PPM1J: variants seen among roughly 807,000 people sequenced by gnomAD.
PPM1J encodes the protein protein phosphatase 1J.
In PPM1J, 43 loss-of-function variants were observed where a neutral mutation model predicts 53.3. That is an observed-to-expected ratio of 0.81 (90% CI 0.63 to 1.04). PPM1J has a LOEUF of 1.04. Ranked by LOEUF, PPM1J falls within the 50% of genes least tolerant of loss-of-function variation. PPM1J has a pLI of 0.00. For missense variants in PPM1J, 635 were observed against 685.9 expected (o/e 0.93, Z 0.83); for synonymous variants, 267 against 286.4 (o/e 0.93, Z 0.68).
At chr1:112,711,903 G>A in intron 5 of PPM1J, 68 bp downstream of exon 5, 4 of 1,125,388 alleles carry the variant, frequency 3.6e-6, no homozygotes, top group Non-Finnish European at 5.2e-6. Flanking sequence ...GAGTTCTCAG[G>A]GCCATGGGGT....
chr1:112,713,163 T>G (rs187112392), intron 2 of PPM1J, 132 bp from the exon 3 acceptor site: 1 of 877,400 alleles, frequency 1.1e-6, no homozygotes, highest in African/African-American at 1.7e-5. Context: ...TGTTTGCTAC[T>G]GAAGGCAAAT....
In PPM1J at chr1:112,715,228, G is replaced by A. The variant is rs764068520; in HGVS notation, c.74C>T (p.Ser25Phe). 8 of 1,398,616 alleles carry A rather than the reference G, an allele frequency of 5.7e-6. No homozygotes were observed. Among genetic ancestry groups the A allele is most frequent in the East Asian group, 2.9e-5 (1 of 34,100 alleles). The allele number at this position is 1,398,616 out of a possible 1,614,324, so 86.6% of individuals were successfully genotyped here. ...SGGAPPPRPK[S>F]PDLPNAASAP... ...CGAGGCGGCGTTGGGCAGGTCCGGG[G>A]ATTTGGGGCGCGGAGGCGGAGCGCC... The change falls in exon 1 of 10, where the codon TCC (serine) becomes TTC (phenylalanine). Residue 25 changes from serine (S) to phenylalanine (F), a missense_variant. By Grantham distance (155) the Ser-to-Phe change is radical. Transcript: ENST00000309276. This position sits in a 1 kb window ranked among gnomAD's most constrained non-coding sequence, Gnocchi z 4.4.
intron 4 of PPM1J, 39 bp downstream of exon 4, chr1:112,712,306 T>C: frequency 6.9e-7 from 1 of 1,457,846 alleles, no homozygotes; most frequent in Admixed American, 1.9e-5. Flanking sequence ...TCAGAGAGTG[T>C]GGCCCTCTGT....
intron 8 of PPM1J, 24 bp from the exon 9 acceptor site, chr1:112,710,635 G>A (rs373201069): frequency 5.4e-5 from 87 of 1,613,866 alleles, no homozygotes; most frequent in Non-Finnish European, 6.9e-5. Flanking sequence ...AGGGCAGAGA[G>A]GATTGAGGTG....
intron 7 of PPM1J, 33 bp downstream of exon 7, chr1:112,710,975 C>G: frequency 6.2e-7 from 1 of 1,602,948 alleles, no homozygotes; most frequent in Non-Finnish European, 8.5e-7. Context: ...GATAGGTCCT[C>G]CTCCCCTCTC....
At chr1:112,712,181 C>T (rs1675079097) in intron 4 of PPM1J, 126 bp from the exon 5 acceptor site, 1 of 950,516 alleles carries the variant, frequency 1.1e-6, no homozygotes, top group Non-Finnish European at 1.6e-6. Flanking sequence ...CCATATCTGC[C>T]CCTGACCCCA....
At chr1:112,711,837 G>C (rs1675069875) in intron 5 of PPM1J, 134 bp downstream of exon 5, 3 of 642,508 alleles carry the variant, frequency 4.7e-6, no homozygotes, top group Non-Finnish European at 8.1e-6. Context: ...GCACTCCATA[G>C]TCCACACAGC....
intron 8 of PPM1J, 37 bp downstream of exon 8, chr1:112,710,707 C>T (rs1221192283): frequency 1.2e-6 from 2 of 1,612,882 alleles, no homozygotes; most frequent in African/African-American, 2.7e-5. Flanking sequence ...TGGCCTGAGA[C>T]TCCCAGAGAA....
chr1:112,712,689 C>A, intron 3 of PPM1J, 55 bp downstream of exon 3: 1 of 1,533,664 alleles, frequency 6.5e-7, no homozygotes, highest in Non-Finnish European at 8.9e-7. Context: ...GGCTTCCACA[C>A]AGAGTTGGCC....
Position 112,710,879 on chromosome 1 carries a change from T to G in PPM1J, c.1111-28A>C. Reference sequence around the variant, plus strand: ...GAAAGAAATGAGGAGGGAGTGCCACTGTAGTCCTCTGCTAGATTCTCTGAA... The same window carrying G: ...GAAAGAAATGAGGAGGGAGTGCCACGGTAGTCCTCTGCTAGATTCTCTGAA... On this transcript the variant is annotated intron_variant, in intron 7 of 9. Transcript: ENST00000309276. The G allele has an allele frequency of 1.9e-6, 3 of 1,603,076 alleles. No homozygotes were observed. The South Asian group carries it at 3.3e-5, about 18-fold the overall frequency.
chr1:112,710,743 C>T lies in PPM1J; in HGVS notation c.1218+1G>A. On this transcript the variant is annotated splice_donor_variant, in intron 8 of 9. Transcript: ENST00000309276. LOFTEE classifies it high-confidence loss of function. ...GGCAAGGTGTGGTTTAAGGGGCTCACCTCAGGGAAGCAGGAGAGAAAGGGC... is the reference window on the plus strand; with the variant it reads ...GGCAAGGTGTGGTTTAAGGGGCTCATCTCAGGGAAGCAGGAGAGAAAGGGC... The T allele has an allele frequency of 1.2e-6, 2 of 1,614,040 alleles. No homozygotes were observed. Among genetic ancestry groups the T allele is most frequent in the South Asian group, 2.2e-5 (2 of 91,078 alleles).
At position 112,715,178 on chromosome 1, in the gene PPM1J, C is replaced by T. The variant is rs779584328; in HGVS notation, c.124G>A (p.Ala42Thr). 45 of 1,492,834 alleles carry T rather than the reference C, an allele frequency of 3.0e-5. No individual in the cohort carries two copies. The highest frequency in any genetic ancestry group is 3.6e-5 in the Non-Finnish European group (41 of 1,135,650). 92.5% of individuals were successfully genotyped at this position (1,492,834 alleles called of 1,614,324 possible). Reference sequence around the variant, plus strand: ...GCCTTCGCGGGAGGGCTCCTGGGCGCTTCTGGAGCGGCGGCGGGCGGCGCC... The same window carrying T: ...GCCTTCGCGGGAGGGCTCCTGGGCGTTTCTGGAGCGGCGGCGGGCGGCGCC... ...ASAPPAAAPE[A>T]PRSPPAKAGS... Residue 42 changes from alanine to threonine, a missense_variant, in exon 1 of 10, where the codon GCG becomes ACG. Transcript: ENST00000309276. The surrounding 1 kb of genome is among the most constrained non-coding windows in gnomAD (Gnocchi z 4.4).
In PPM1J at chr1:112,710,726, G is replaced by A; in HGVS notation, c.1218+18C>T. ...CTGAGACTCCCAGAGAAGGCAAGGT[G>A]TGGTTTAAGGGGCTCACCTCAGGGA... On this transcript the variant is annotated intron_variant, in intron 8 of 9. Coordinates refer to ENST00000309276, the MANE Select transcript of PPM1J (RefSeq NM_005167.7). 1 of 1,613,206 alleles carries A rather than the reference G, an allele frequency of 6.2e-7. No homozygotes were observed. The highest frequency in any genetic ancestry group is 8.5e-7 in the Non-Finnish European group (1 of 1,179,144).
rs1675021881 is a variant in PPM1J at position 112,710,136 on chromosome 1, C to G, written c.*27G>C. 6.5e-7 allele frequency: 1 copy of G among 1,530,690 alleles called. No individual in the cohort carries two copies. Among genetic ancestry groups the G allele is most frequent in the Non-Finnish European group, 8.8e-7 (1 of 1,141,406 alleles). The allele number at this position is 1,530,690 out of a possible 1,614,324, so 94.8% of individuals were successfully genotyped here. A position where few individuals can be genotyped will look rare whatever the true frequency, so the allele number is the denominator to read the frequency against. On this transcript the variant is annotated 3_prime_UTR_variant, in exon 10 of 10. Transcript: ENST00000309276. ...TGTGAGAGGAGTAAGTATGGAGAGG[C>G]TAGTGGGAGGGATGGTGTTCAGCCC...
chr1:112,710,088 G>T lies in PPM1J; in HGVS notation c.*75C>A. The T allele has an allele frequency of 6.7e-7, 1 of 1,489,952 alleles. No individual in the cohort carries two copies. Among genetic ancestry groups the T allele is most frequent in the Non-Finnish European group, 8.9e-7 (1 of 1,122,540 alleles). The allele number at this position is 1,489,952 out of a possible 1,614,324, so 92.3% of individuals were successfully genotyped here. On this transcript the variant is annotated 3_prime_UTR_variant, in exon 10 of 10. Coordinates refer to ENST00000309276, the MANE Select transcript of PPM1J (RefSeq NM_005167.7). ...TAAGTTGCCACTAAAGAAGGGTCAG[G>T]GAGACAACTTCAGAATTTGGGCTGT...
chr1:112,712,219 ATGTC>A (rs1675079816), intron 4 of PPM1J, 122 bp downstream of exon 4: 11 of 947,026 alleles, frequency 1.2e-5, no homozygotes, highest in South Asian at 4.7e-5. Context: ...GCCACTCCTT[ATGTC>A]TGTCACCCCT....
Position 112,712,817 on chromosome 1 carries a change from C to G in PPM1J, c.656G>C (p.Cys219Ser). Residue 219 changes from cysteine to serine, a missense_variant, in exon 3 of 10, where the codon TGC becomes TCC. By Grantham distance (112) the Cys-to-Ser change is moderately radical. Coordinates refer to ENST00000309276, the MANE Select transcript of PPM1J (RefSeq NM_005167.7). Reference sequence around the variant, plus strand: ...GCTCACTTCCTTCTGTGAAGACCAGCAGGACTGAGGGCCAAGCAAGTGAGA... The same window carrying G: ...GCTCACTTCCTTCTGTGAAGACCAGGAGGACTGAGGGCCAAGCAAGTGAGA... ...DPSHLLGPQSCWSSQKEVSHE... is the reference protein window; with the variant it reads ...DPSHLLGPQSSWSSQKEVSHE... 6.2e-7 allele frequency: 1 copy of G among 1,613,442 alleles called. No individual in the cohort carries two copies. The highest frequency in any genetic ancestry group is 8.5e-7 in the Non-Finnish European group (1 of 1,179,990).
At chr1:112,712,492 G>A (rs1230872556) in intron 3 of PPM1J, 35 bp from the exon 4 acceptor site, 4 of 1,578,330 alleles carry the variant, frequency 2.5e-6, no homozygotes, top group Middle Eastern at 1.7e-4. Context: ...GTGGGTAGAA[G>A]GAGAGGTTCC....
intron 5 of PPM1J, 199 bp from the exon 6 acceptor site, chr1:112,711,583 GT>G: frequency 1.7e-6 from 1 of 580,102 alleles, no homozygotes. Context: ...GCACAGAGAG[GT>G]TAAGGGAGGG....
Sources: allele counts gnomAD v4.1 joint callset, GRCh38; gene constraint gnomAD v4.1.1; non-coding constraint Gnocchi (gnomAD v3.1); transcripts MANE v1.5; gene names NCBI Gene and HGNC (gene_info 2026-07-23, HGNC 2026-07-21).